KIF5B: variants seen among roughly 807,000 people sequenced by gnomAD.
KIF5B encodes kinesin-1 heavy chain.
In KIF5B, 49 loss-of-function variants were observed where a neutral mutation model predicts 132.8. That is an observed-to-expected ratio of 0.37 (90% CI 0.29 to 0.47). The LOEUF is 0.47. KIF5B is among the 20% of genes least tolerant of loss of function. KIF5B has a pLI of 1.00. For synonymous variants in KIF5B, 355 were observed against 369.4 expected (o/e 0.96, Z 0.45); for missense variants, 780 against 1,144.0 (o/e 0.68, Z 4.59).
At chr10:32,035,128 G>A (rs911318154) in intron 10 of KIF5B, among the ~76,000 whole-genome samples, 1 of 151,810 alleles carries the variant, frequency 6.6e-6, no homozygotes, top group Non-Finnish European at 1.5e-5. Context: ...AGAAATTACT[G>A]TTGAAAGTCA....
intron 12 of KIF5B, among the ~76,000 whole-genome samples, chr10:32,033,193 T>C (rs1447186048): frequency 6.6e-6 from 1 of 152,188 alleles, no homozygotes; most frequent in African/African-American, 2.4e-5. Context: ...TCATCTTTTA[T>C]TGGAGTCTTC....
chr10:32,055,988 G>A lies in KIF5B; in HGVS notation c.-15C>T. Reference sequence around the variant, plus strand: ...AGGTCCGCCATCTTTCTCGCAGCCGGGGCCGGCGGCCGGGAGCCACTCCCC... The same window carrying A: ...AGGTCCGCCATCTTTCTCGCAGCCGAGGCCGGCGGCCGGGAGCCACTCCCC... On this transcript the variant is annotated 5_prime_UTR_variant, in exon 1 of 26. Coordinates refer to ENST00000302418, the MANE Select transcript of KIF5B (RefSeq NM_004521.3). The A allele has an allele frequency of 6.2e-7, 1 of 1,600,612 alleles. No individual in the cohort carries two copies. Among genetic ancestry groups the A allele is most frequent in the Non-Finnish European group, 8.5e-7 (1 of 1,179,592 alleles).
intron 25 of KIF5B, among the ~76,000 whole-genome samples, chr10:32,012,223 A>G (rs1391732699): frequency 6.6e-6 from 1 of 152,198 alleles, no homozygotes; most frequent in East Asian, 1.9e-4. Context: ...CTGTAATCTG[A>G]GCACTTTGGG....
chr10:32,050,708 A>G (rs1220014089), intron 1 of KIF5B, among the ~76,000 whole-genome samples: 1 of 152,260 alleles, frequency 6.6e-6, no homozygotes, highest in Non-Finnish European at 1.5e-5. Flanking sequence ...AATTTAAAAT[A>G]GGCATCGATG....
chr10:32,050,379 G>C (rs934775650), intron 1 of KIF5B, among the ~76,000 whole-genome samples: 1 of 152,188 alleles, frequency 6.6e-6, no homozygotes, highest in Non-Finnish European at 1.5e-5. Flanking sequence ...GTGGCGGTCT[G>C]TTCGAGGTCT....
At chr10:32,015,754 A>C (rs780138182) in intron 24 of KIF5B, 95 bp from the exon 25 acceptor site, 9 of 1,061,014 alleles carry the variant, frequency 8.5e-6, no homozygotes, top group Non-Finnish European at 1.2e-5. Flanking sequence ...ACAAATTCCC[A>C]AATGTTTTGT....
chr10:32,028,701 GAACT>G (rs1433382776), intron 14 of KIF5B, 130 bp from the exon 15 acceptor site: 26 of 733,088 alleles, frequency 3.5e-5, no homozygotes, highest in Admixed American at 6.4e-5. Context: ...CATTTTTCTT[GAACT>G]ATCTACCAGG....
intron 1 of KIF5B, among the ~76,000 whole-genome samples, chr10:32,055,357 T>C (rs1242668459): frequency 6.6e-6 from 1 of 152,306 alleles, no homozygotes; most frequent in Non-Finnish European, 1.5e-5. Flanking sequence ...ACAATACGGT[T>C]CAAGGACTGG....
chr10:32,051,502 A>G (rs1228950669), intron 1 of KIF5B, among the ~76,000 whole-genome samples: 1 of 152,240 alleles, frequency 6.6e-6, no homozygotes, highest in Non-Finnish European at 1.5e-5. Context: ...TGCTTACTCT[A>G]GTTATCAACT....
At chr10:32,028,252 C>A (rs529488505) in intron 15 of KIF5B, among the ~76,000 whole-genome samples, 176 bp downstream of exon 15, 2 of 152,250 alleles carry the variant, frequency 1.3e-5, no homozygotes, top group East Asian at 3.9e-4. Flanking sequence ...TATTTGGGTG[C>A]CCTTATTCTC....
intron 25 of KIF5B, among the ~76,000 whole-genome samples, chr10:32,013,737 T>C (rs1235613638): frequency 6.6e-6 from 1 of 152,150 alleles, no homozygotes; most frequent in African/African-American, 2.4e-5. Flanking sequence ...AAGCAATAAA[T>C]CCATAATTTT....
intron 2 of KIF5B, among the ~76,000 whole-genome samples, chr10:32,048,143 C>T (rs1450269429): frequency 6.6e-6 from 1 of 152,146 alleles, no homozygotes; most frequent in Non-Finnish European, 1.5e-5. Flanking sequence ...TGTTTTCATT[C>T]TCATACTGTT....
At position 32,031,165 on chromosome 10, in the gene KIF5B, C is replaced by T; in HGVS notation, c.1489G>A (p.Glu497Lys). Residue 497 changes from glutamate to lysine, a missense_variant, in exon 14 of 26, where the codon GAA (glutamate) becomes AAA (lysine). This residue lies in a region of KIF5B where 471 missense variants were observed against 569.9 expected (regional missense o/e 0.83). Transcript: ENST00000302418. ...TTCTGATCATAATTGACAGCAAGTTCTTCTAGGGCCTGTAAAACTTCTTTC... is the reference window on the plus strand; with the variant it reads ...TTCTGATCATAATTGACAGCAAGTTTTTCTAGGGCCTGTAAAACTTCTTTC... ...EVKEVLQALE[E>K]LAVNYDQKSQ... The T allele has an allele frequency of 6.2e-7, 1 of 1,613,922 alleles. No homozygotes were observed. The highest frequency in any genetic ancestry group is 8.5e-7 in the Non-Finnish European group (1 of 1,179,918).
chr10:32,028,472 C>A lies in KIF5B; in HGVS notation c.1681G>T (p.Asp561Tyr), dbSNP rs1480040992. 6.2e-7 allele frequency: 1 copy of A among 1,613,202 alleles called. No homozygotes were observed. Among genetic ancestry groups the A allele is most frequent in the Non-Finnish European group, 8.5e-7 (1 of 1,179,278 alleles). The change falls in exon 15 of 26, where the codon GAC becomes TAC. Residue 561 changes from aspartate (D) to tyrosine (Y), a missense_variant. Asp to Tyr is a radical substitution (Grantham distance 160). Coordinates refer to ENST00000302418, the MANE Select transcript of KIF5B (RefSeq NM_004521.3). The part of the protein sequence containing the change: ...AAEMMASLLK[D>Y]LAEIGIAVGN... ...ACAGCAATTCCTATTTCTGCAAGGT[C>A]TTTTAGTAAAGATGCCATCATCTCA... is the stretch of plus-strand genomic sequence containing the variant.
Position 32,048,460 on chromosome 10 carries a change from T to C in KIF5B, c.214+4A>G. On this transcript the variant is annotated splice_donor_region_variant and intron_variant, in intron 2 of 25. Coordinates refer to ENST00000302418, the MANE Select transcript of KIF5B (RefSeq NM_004521.3). The stretch of plus-strand genomic sequence containing the variant: ...AGACAACTCAGCAGGTTGAATATAT[T>C]TACCTTTAACAATCTTCTTTGCACA... 1 of 1,594,136 alleles carries C rather than the reference T, an allele frequency of 6.3e-7. No individual in the cohort carries two copies. The highest frequency in any genetic ancestry group is 1.3e-5 in the African/African-American group (1 of 74,494).
In KIF5B at chr10:32,020,515, T is replaced by C. The variant is rs557291283; in HGVS notation, c.2204+507A>G. On this transcript the variant is annotated intron_variant, in intron 19 of 25. Transcript: ENST00000302418. ...AGCTCACTTCAGCCTCAGATTCCAA[T>C]ACTCAAGCAATCCTCGTGCCACAGC... 2.0e-5 allele frequency among the ~76,000 whole-genome samples: 3 copies of C among 152,242 alleles called. No individual in the cohort carries two copies. In the East Asian group the frequency reaches 5.8e-4, roughly 29 times the overall value.
chr10:32,032,573 C>T (rs1168038339), intron 13 of KIF5B, 133 bp downstream of exon 13: 1 of 701,452 alleles, frequency 1.4e-6, no homozygotes, highest in African/African-American at 1.8e-5. Context: ...TTCACTTTAT[C>T]CATGTGACAT....
At chr10:32,019,045 C>T (rs781541757) in intron 20 of KIF5B, among the ~76,000 whole-genome samples, 7 of 152,088 alleles carry the variant, frequency 4.6e-5, no homozygotes, top group Non-Finnish European at 8.8e-5. Flanking sequence ...TATTGTTATA[C>T]ATTCCATATA....
At chr10:32,024,861 G>A (rs181938739) in intron 15 of KIF5B, among the ~76,000 whole-genome samples, 1 of 152,234 alleles carries the variant, frequency 6.6e-6, no homozygotes, top group Non-Finnish European at 1.5e-5. Flanking sequence ...CGGACCACCT[G>A]TAGTCAGGAG....
Sources: gnomAD v4.1 joint callset for allele counts (sites outside exome capture counted in the v4.1 genomes callset) on GRCh38, gnomAD v4.1.1 for gene constraint, gnomAD v4.1.1 regional missense constraint, MANE v1.5 for transcripts, NCBI Gene and HGNC (gene_info 2026-07-23, HGNC 2026-07-21) for gene names.